The following MMD variants were observed in gnomAD, a reference collection of about 807,000 sequenced individuals.
MMD encodes monocyte to macrophage differentiation factor.
In MMD, 22 loss-of-function variants were observed where a neutral mutation model predicts 33.6. The ratio of observed to expected loss-of-function variants is 0.66; its 90% CI spans 0.47 to 0.94. The LOEUF is 0.94. MMD is among the 40% of genes least tolerant of loss of function. The pLI, the probability that MMD is intolerant of heterozygous loss-of-function variation, is 0.00. For missense variants in MMD, 242 were observed against 309.8 expected (o/e 0.78, Z 1.64); for synonymous variants, 97 against 103.2 (o/e 0.94, Z 0.36).
chr17:55,393,633 G>A lies in MMD; in HGVS notation c.*701C>T, dbSNP rs1388682147. Reference sequence around the variant, plus strand: ...TAGGTCAAGTATATGTCCCAAAGCAGCACTGAATTCAGAGTAAGAGGTTGG... The same window carrying A: ...TAGGTCAAGTATATGTCCCAAAGCAACACTGAATTCAGAGTAAGAGGTTGG... On this transcript the variant is annotated 3_prime_UTR_variant, in exon 7 of 7. Transcript: ENST00000262065. The A allele has an allele frequency of 6.6e-5, 10 of 152,648 alleles. No homozygotes were observed. Among genetic ancestry groups the A allele is most frequent in the Admixed American group, 1.3e-4 (2 of 15,274 alleles). 9.5% of individuals were successfully genotyped at this position (152,648 alleles called of 1,614,324 possible). A position where few individuals can be genotyped will look rare whatever the true frequency, so the allele number is the denominator to read the frequency against.
In MMD at chr17:55,396,146, T is replaced by G. The variant is rs962625719; in HGVS notation, c.517-1612A>C. 2.6e-5 allele frequency among the ~76,000 whole-genome samples: 4 copies of G among 152,192 alleles called. 1 individual carries two copies. The highest frequency in any genetic ancestry group is 1.3e-4 in the Admixed American group (2 of 15,280). On this transcript the variant is annotated intron_variant, in intron 6 of 6. Coordinates refer to ENST00000262065, the MANE Select transcript of MMD (RefSeq NM_012329.3). The stretch of plus-strand genomic sequence containing the variant: ...GTATCCTCAAGATACCACATTTACC[T>G]CAACTTTCAAAGACCTAGAACATAG...
At chr17:55,400,045 T>C (rs1907264540) in intron 6 of MMD, among the ~76,000 whole-genome samples, 1 of 152,166 alleles carries the variant, frequency 6.6e-6, no homozygotes, top group Non-Finnish European at 1.5e-5. Context: ...GTCCTTTAAC[T>C]CCTCCTCCTT....
rs373436309 is a variant in MMD, at chr17:55,394,707, G to A, written c.517-173C>T. Among the ~76,000 whole-genome samples the A allele has an allele frequency of 9.9e-5, 15 of 152,212 alleles. No homozygotes were observed. In the East Asian group the frequency reaches 2.7e-3, roughly 27 times the overall value. ...ACATAAAAAAAGTCTCTTATACATC[G>A]ACCTGGATTGCCCTTTGGACTGACA... On this transcript the variant is annotated intron_variant, in intron 6 of 6. Transcript: ENST00000262065.
At chr17:55,397,422 G>A (rs1287171132) in intron 6 of MMD, among the ~76,000 whole-genome samples, 2 of 151,942 alleles carry the variant, frequency 1.3e-5, no homozygotes, top group African/African-American at 4.8e-5. Context: ...TGGCCTCCCT[G>A]GTTAAATTTT....
chr17:55,409,397 A>G (rs1222438363), intron 3 of MMD, among the ~76,000 whole-genome samples: 1 of 152,190 alleles, frequency 6.6e-6, no homozygotes, highest in African/African-American at 2.4e-5. Flanking sequence ...CTAGATTGTC[A>G]TACGCTGTTA....
At chr17:55,402,719 T>C (rs1907396837) in intron 5 of MMD, among the ~76,000 whole-genome samples, 1 of 152,198 alleles carries the variant, frequency 6.6e-6, no homozygotes, top group African/African-American at 2.4e-5. Flanking sequence ...TGACTTCCTA[T>C]TTTATCCAAG....
intron 5 of MMD, among the ~76,000 whole-genome samples, chr17:55,403,383 T>C (rs964410501): frequency 6.6e-6 from 1 of 152,206 alleles, no homozygotes; most frequent in African/African-American, 2.4e-5. Flanking sequence ...TTAGGTATAT[T>C]GTACTGAGCA....
intron 2 of MMD, among the ~76,000 whole-genome samples, chr17:55,413,183 T>C (rs151102009): frequency 6.4e-4 from 97 of 152,330 alleles, no homozygotes; most frequent in Non-Finnish European, 1.3e-3. Context: ...TGTTTCAATA[T>C]CTGAACCATT....
chr17:55,401,532 C>A lies in MMD; in HGVS notation c.453G>T (p.Lys151Asn). 1 of 1,609,646 alleles carries A rather than the reference C, an allele frequency of 6.2e-7. No individual in the cohort carries two copies. Among genetic ancestry groups the A allele is most frequent in the Non-Finnish European group, 8.5e-7 (1 of 1,178,148 alleles). Reference protein sequence around the residue: ...IYVFLYHEKYKVVELFFYLTM... With the variant: ...IYVFLYHEKYNVVELFFYLTM... ...TGAGATAGAAAAAGAGTTCAACCAC[C>A]TTATATCTGCAGGAACAAAAATGCA... is the stretch of plus-strand genomic sequence containing the variant. The change falls in exon 6 of 7, where the codon AAG becomes AAT. Residue 151 changes from lysine (K) to asparagine (N), a missense_variant. Lys to Asn is a moderately conservative substitution (Grantham distance 94). Coordinates refer to ENST00000262065, the MANE Select transcript of MMD (RefSeq NM_012329.3).
intron 6 of MMD, among the ~76,000 whole-genome samples, chr17:55,398,156 C>G (rs1907192992): frequency 6.8e-6 from 1 of 146,370 alleles, no homozygotes; most frequent in Non-Finnish European, 1.5e-5. Flanking sequence ...AAACAGAAAA[C>G]CCAAAACAAA....
In MMD at chr17:55,414,198, A is replaced by G. The variant is rs769916854; in HGVS notation, c.61T>C (p.Tyr21His). 5 of 1,613,958 alleles carry G rather than the reference A, an allele frequency of 3.1e-6. No homozygotes were observed. The highest frequency in any genetic ancestry group is 3.4e-6 in the Non-Finnish European group (4 of 1,179,830). ...GCATGTTCATAGCAAGTTGGCTTGTAGCGGCCATTGGCTGGAGCTCGATGG... is the reference window on the plus strand; with the variant it reads ...GCATGTTCATAGCAAGTTGGCTTGTGGCGGCCATTGGCTGGAGCTCGATGG... ...MNHRAPANGR[Y>H]KPTCYEHAAN... is the part of the protein sequence containing the mutation. The change falls in exon 2 of 7, where the codon TAC becomes CAC. Residue 21 changes from tyrosine to histidine, a missense_variant. Tyr to His is a moderately conservative substitution (Grantham distance 83). Transcript: ENST00000262065.
intron 1 of MMD, among the ~76,000 whole-genome samples, chr17:55,417,897 A>G (rs779136636): frequency 8.5e-5 from 13 of 152,310 alleles, no homozygotes; most frequent in Non-Finnish European, 1.3e-4. Flanking sequence ...ATAGCACTGT[A>G]ACACAGTGTT....
At chr17:55,396,785 T>G (rs527394976) in intron 6 of MMD, among the ~76,000 whole-genome samples, 1 of 151,766 alleles carries the variant, frequency 6.6e-6, no homozygotes, top group Admixed American at 6.6e-5. Context: ...CCTGGCTAAT[T>G]TTTGTATTTT....
rs1906976337 is a variant in MMD, at chr17:55,393,081, G to C, written c.*1253C>G. On this transcript the variant is annotated 3_prime_UTR_variant, in exon 7 of 7. Transcript: ENST00000262065. ...TTCATTTATTAAAACACCAACAAGA[G>C]AGATTAATCAACAAAGCAACTATTA... 6.6e-6 allele frequency: 1 copy of C among 151,986 alleles called. No individual in the cohort carries two copies. The highest frequency in any genetic ancestry group is 2.4e-5 in the African/African-American group (1 of 41,372). 9.4% of individuals were successfully genotyped at this position (151,986 alleles called of 1,614,324 possible).
Position 55,412,345 on chromosome 17 carries a change from G to A in MMD, c.109-928C>T, listed in dbSNP as rs1907797861. Among the ~76,000 whole-genome samples the A allele has an allele frequency of 3.3e-5, 5 of 152,104 alleles. No homozygotes were observed. In the South Asian group the frequency reaches 1.0e-3, roughly 32 times the overall value. ...TTGGGGTCACTTCATTTTTAACAGA[G>A]CCTTTTAAGTAAGCAAGAGCAAACC... On this transcript the variant is annotated intron_variant, in intron 2 of 6. Coordinates refer to ENST00000262065, the MANE Select transcript of MMD (RefSeq NM_012329.3).
intron 3 of MMD, among the ~76,000 whole-genome samples, chr17:55,410,755 C>T (rs1008613548): frequency 6.6e-6 from 1 of 152,176 alleles, no homozygotes; most frequent in Non-Finnish European, 1.5e-5. Flanking sequence ...AGTACCTTAT[C>T]TCATTCACCT....
chr17:55,414,760 C>T (rs917483154), intron 1 of MMD, among the ~76,000 whole-genome samples: 2 of 152,068 alleles, frequency 1.3e-5, no homozygotes, highest in African/African-American at 4.8e-5. Context: ...GATTAACAGG[C>T]CTGTCCCACT....
At chr17:55,411,967 T>G (rs1023905178) in intron 2 of MMD, among the ~76,000 whole-genome samples, 4 of 152,048 alleles carry the variant, frequency 2.6e-5, no homozygotes, top group Admixed American at 6.6e-5. Flanking sequence ...GTCCCAGCTA[T>G]TTGGCAGGCT....
chr17:55,398,424 G>C (rs1291026190), intron 6 of MMD, among the ~76,000 whole-genome samples: 2 of 151,748 alleles, frequency 1.3e-5, no homozygotes. Flanking sequence ...TAAACTCCCT[G>C]TGTGTGAATC....
Sources: gnomAD v4.1 joint callset for allele counts (sites outside exome capture counted in the v4.1 genomes callset) on GRCh38, gnomAD v4.1.1 for gene constraint, MANE v1.5 for transcripts, NCBI Gene and HGNC (gene_info 2026-07-23, HGNC 2026-07-21) for gene names.